The following OR13C2 variants were observed in gnomAD, a reference collection of about 807,000 sequenced individuals.
The protein encoded by OR13C2 is olfactory receptor 13C2.
In OR13C2, 9 loss-of-function variants were observed where a neutral mutation model predicts 12.8. The ratio of observed to expected loss-of-function variants is 0.71; its 90% CI spans 0.43 to 1.23. The LOEUF is 1.23. Among genes scored for constraint, OR13C2 ranks in the 50% most tolerant of loss-of-function variants. OR13C2 has a pLI of 0.00. For synonymous variants in OR13C2, 110 were observed against 138.0 expected, an observed-to-expected ratio of 0.80 and a Z score of 1.42; for missense variants, 333 against 387.0, an observed-to-expected ratio of 0.86 and a Z score of 1.17.
rs755897603 is a variant in OR13C2, at chr9:104,605,191, G to T, written c.437C>A (p.Ala146Asp). Residue 146 changes from alanine (A) to aspartate (D), a missense_variant, in exon 1 of 1, where the codon GCT (alanine) becomes GAT (aspartate). Transcript: ENST00000542196. ...MSKDAYVPMAAGSWIIGAVNS... is the reference protein window; with the variant it reads ...MSKDAYVPMADGSWIIGAVNS... ...GACAGCTCCTATGATCCAGGACCCA[G>T]CTGCCATGGGTACATAGGCATCCTT... 6.2e-7 allele frequency: 1 copy of T among 1,613,344 alleles called. No homozygotes were observed. Among genetic ancestry groups the T allele is most frequent in the Non-Finnish European group, 8.5e-7 (1 of 1,179,966 alleles).
rs774361126 is a variant in OR13C2, at chr9:104,605,310, G to T, written c.318C>A (p.Ala106=). The T allele has an allele frequency of 6.2e-7, 1 of 1,613,678 alleles. No individual in the cohort carries two copies. Among genetic ancestry groups the T allele is most frequent in the Non-Finnish European group, 8.5e-7 (1 of 1,180,018 alleles). The change falls in exon 1 of 1, where the codon GCC becomes GCA. Residue 106 remains alanine (A), a synonymous_variant. Coordinates refer to ENST00000542196, the MANE Select transcript of OR13C2 (RefSeq NM_001004481.1). ...GCAVQMFLGL[A]MGTTECVLLG... is the part of the protein sequence containing the mutation. The stretch of plus-strand genomic sequence containing the variant: ...GAAGCACACACTCTGTTGTCCCCAT[G>T]GCCAAGCCGAGGAACATCTGCACTG...
In OR13C2 at chr9:104,604,695, C is replaced by G. The variant is rs778939556; in HGVS notation, c.933G>C (p.Leu311=). 6.2e-7 allele frequency: 1 copy of G among 1,611,402 alleles called. No homozygotes were observed. Among genetic ancestry groups the G allele is most frequent in the Non-Finnish European group, 8.5e-7 (1 of 1,178,806 alleles). ...KDVKEAVKHL[L]NRRFFSK The stretch of plus-strand genomic sequence containing the variant: ...CTCACTTGCTAAAGAACCTTCTGTT[C>G]AGTAGGTGTTTTACTGCCTCTTTCA... Residue 311 remains leucine (L), a synonymous_variant, in exon 1 of 1, where the codon CTG becomes CTC. Transcript: ENST00000542196.
rs545343541 is a variant in OR13C2, at chr9:104,605,208, G to A, written c.420C>T (p.Ala140=). 1 of 1,613,424 alleles carries A rather than the reference G, an allele frequency of 6.2e-7. No individual in the cohort carries two copies. The highest frequency in any genetic ancestry group is 1.3e-5 in the African/African-American group (1 of 74,446). The change falls in exon 1 of 1, where the codon GCC becomes GCT. Residue 140 remains alanine, a synonymous_variant. Coordinates refer to ENST00000542196, the MANE Select transcript of OR13C2 (RefSeq NM_001004481.1). ...AGGACCCAGCTGCCATGGGTACATAGGCATCCTTACTCATGATGATGGGAT... is the reference window on the plus strand; with the variant it reads ...AGGACCCAGCTGCCATGGGTACATAAGCATCCTTACTCATGATGATGGGAT... ...LRYPIIMSKD[A]YVPMAAGSWI...
At position 104,605,414 on chromosome 9, in the gene OR13C2, A is replaced by G. The variant is rs761500301; in HGVS notation, c.214T>C (p.Cys72Arg). Residue 72 changes from cysteine (C) to arginine (R), a missense_variant, in exon 1 of 1, where the codon TGC becomes CGC. Transcript: ENST00000542196. ...FLGNLSFLDI[C>R]YTTTSIPSTL... ...GAGGGAATAGAGGTGGTGGTGTAGC[A>G]GATGTCCAAGAAGGAGAGGTTCCCC... 1.9e-6 allele frequency: 3 copies of G among 1,612,496 alleles called. No individual in the cohort carries two copies. The Admixed American group carries it at 5.0e-5, about 27-fold the overall frequency.
chr9:104,605,153 G>A lies in OR13C2; in HGVS notation c.475C>T (p.Gln159Ter). The A allele has an allele frequency of 1.9e-6, 3 of 1,612,626 alleles. No homozygotes were observed. In the South Asian group the frequency reaches 3.3e-5, roughly 18 times the overall value. The change falls in exon 1 of 1, where the codon CAA becomes TAA. Residue 159 changes from glutamine to a stop codon, truncating the protein, a stop_gained. Transcript: ENST00000542196. LOFTEE classifies it high-confidence loss of function. ...GGCAATTGTACCACAAACACTGATT[G>A]TACTGCAGAATTGACAGCTCCTATG... ...WIIGAVNSAV[Q>*]SVFVVQLPFC...
In OR13C2 at chr9:104,605,192, C is replaced by A. The variant is rs1225310450; in HGVS notation, c.436G>T (p.Ala146Ser). 6.2e-7 allele frequency: 1 copy of A among 1,613,376 alleles called. No homozygotes were observed. The highest frequency in any genetic ancestry group is 8.5e-7 in the Non-Finnish European group (1 of 1,179,962). ...MSKDAYVPMA[A>S]GSWIIGAVNS... ...ACAGCTCCTATGATCCAGGACCCAG[C>A]TGCCATGGGTACATAGGCATCCTTA... The change falls in exon 1 of 1, where the codon GCT (alanine) becomes TCT (serine). Residue 146 changes from alanine to serine, a missense_variant. Coordinates refer to ENST00000542196, the MANE Select transcript of OR13C2 (RefSeq NM_001004481.1).
At position 104,605,385 on chromosome 9, in the gene OR13C2, CGT is replaced by C. The variant is rs773750856; in HGVS notation, c.241_242del (p.Thr81AlafsTer40). 2 of 1,063,784 alleles carry C rather than the reference CGT, an allele frequency of 1.9e-6. No individual in the cohort carries two copies. The highest frequency in any genetic ancestry group is 1.0e-4 in the African/African-American group (2 of 19,446). 65.9% of individuals were successfully genotyped at this position (1,063,784 alleles called of 1,614,324 possible). Reference sequence around the variant, plus strand: ...TTCTTTCTGAAAGGAAGCTCACTAGCGTGGAGGGAATAGAGGTGGTGGTGTAG... The same window carrying C: ...TTCTTTCTGAAAGGAAGCTCACTAGCGGAGGGAATAGAGGTGGTGGTGTAG... ...ICYTTTSIPS[T>X]LVSFLSERKT... On this transcript the variant is annotated frameshift_variant, in exon 1 of 1. Transcript: ENST00000542196. LOFTEE classifies it high-confidence loss of function.
Position 104,604,890 on chromosome 9 carries a change from A to C in OR13C2, c.738T>G (p.Thr246=), listed in dbSNP as rs776441059. 6 of 1,613,510 alleles carry C rather than the reference A, an allele frequency of 3.7e-6. No homozygotes were observed. Among genetic ancestry groups the C allele is most frequent in the Non-Finnish European group, 5.1e-6 (6 of 1,179,958 alleles). The change falls in exon 1 of 1, where the codon ACT becomes ACG. Residue 246 remains threonine, a synonymous_variant. Coordinates refer to ENST00000542196, the MANE Select transcript of OR13C2 (RefSeq NM_001004481.1). ...TGGTCCCATAGAATATTATGACCAC[A>C]GTCAGATGGGCTGAACAGGTAGAGG... ...KASSTCSAHL[T]VVIIFYGTIL... is the part of the protein sequence containing the mutation.
At position 104,605,322 on chromosome 9, in the gene OR13C2, G is replaced by T; in HGVS notation, c.306C>A (p.Phe102Leu). Residue 102 changes from phenylalanine (F) to leucine (L), a missense_variant, in exon 1 of 1, where the codon TTC becomes TTA. Coordinates refer to ENST00000542196, the MANE Select transcript of OR13C2 (RefSeq NM_001004481.1). ...ISLSGCAVQMFLGLAMGTTEC... is the reference protein window; with the variant it reads ...ISLSGCAVQMLLGLAMGTTEC... ...CTGTTGTCCCCATGGCCAAGCCGAG[G>T]AACATCTGCACTGCACAGCCAGAAA... 6.2e-7 allele frequency: 1 copy of T among 1,613,608 alleles called. No homozygotes were observed. Among genetic ancestry groups the T allele is most frequent in the East Asian group, 2.2e-5 (1 of 44,860 alleles).
chr9:104,604,980 G>C lies in OR13C2; in HGVS notation c.648C>G (p.Val216=), dbSNP rs1347450936. 9.3e-6 allele frequency: 15 copies of C among 1,613,566 alleles called. No homozygotes were observed. The highest frequency in any genetic ancestry group is 1.3e-5 in the African/African-American group (1 of 74,586). The change falls in exon 1 of 1, where the codon GTC becomes GTG. Residue 216 remains valine, a synonymous_variant. Transcript: ENST00000542196. ...TGCTCACAATGATTAACGTGTAAGAGACAATGATTAATAACAAAGGTGTCA... is the reference window on the plus strand; with the variant it reads ...TGCTCACAATGATTAACGTGTAAGACACAATGATTAATAACAAAGGTGTCA... ...FILTPLLLII[V]SYTLIIVSIF... is the part of the protein sequence containing the mutation.
Position 104,604,890 on chromosome 9 carries a change from A to G in OR13C2, c.738T>C (p.Thr246=). ...TGGTCCCATAGAATATTATGACCAC[A>G]GTCAGATGGGCTGAACAGGTAGAGG... The part of the protein sequence containing the change: ...KASSTCSAHL[T]VVIIFYGTIL... Residue 246 remains threonine, a synonymous_variant, in exon 1 of 1, where the codon ACT becomes ACC. Transcript: ENST00000542196. 1 of 1,613,626 alleles carries G rather than the reference A, an allele frequency of 6.2e-7. No homozygotes were observed. The highest frequency in any genetic ancestry group is 8.5e-7 in the Non-Finnish European group (1 of 1,179,950).
chr9:104,604,695 C>A lies in OR13C2; in HGVS notation c.933G>T (p.Leu311=). The A allele has an allele frequency of 6.2e-7, 1 of 1,611,400 alleles. No homozygotes were observed. Among genetic ancestry groups the A allele is most frequent in the East Asian group, 2.2e-5 (1 of 44,836 alleles). The change falls in exon 1 of 1, where the codon CTG becomes CTT. Residue 311 remains leucine, a synonymous_variant. Coordinates refer to ENST00000542196, the MANE Select transcript of OR13C2 (RefSeq NM_001004481.1). The part of the protein sequence containing the change: ...KDVKEAVKHL[L]NRRFFSK The stretch of plus-strand genomic sequence containing the variant: ...CTCACTTGCTAAAGAACCTTCTGTT[C>A]AGTAGGTGTTTTACTGCCTCTTTCA...
In OR13C2 at chr9:104,604,769, T is replaced by A. The variant is rs142576527; in HGVS notation, c.859A>T (p.Met287Leu). The A allele has an allele frequency of 2.2e-5, 35 of 1,613,316 alleles. 1 individual carries two copies. In the African/African-American group the frequency reaches 4.2e-4, roughly 19 times the overall value. ...ATTAAAGGATTCATCATGGGAGTCATCACCCCATAGAACATGGATATAATT... is the reference window on the plus strand; with the variant it reads ...ATTAAAGGATTCATCATGGGAGTCAACACCCCATAGAACATGGATATAATT... ...DKIISMFYGV[M>L]TPMMNPLIYS... The change falls in exon 1 of 1, where the codon ATG (methionine) becomes TTG (leucine). Residue 287 changes from methionine to leucine, a missense_variant. By Grantham distance (15) the Met-to-Leu change is conservative. Coordinates refer to ENST00000542196, the MANE Select transcript of OR13C2 (RefSeq NM_001004481.1).
At position 104,605,282 on chromosome 9, in the gene OR13C2, C is replaced by T. The variant is rs1451567772; in HGVS notation, c.346G>A (p.Gly116Ser). Reference protein sequence around the residue: ...AMGTTECVLLGMMAFDRYVAI... With the variant: ...AMGTTECVLLSMMAFDRYVAI... ...ACATAGCGGTCAAAGGCCATCATGC[C>T]CAGAAGCACACACTCTGTTGTCCCC... The change falls in exon 1 of 1, where the codon GGC becomes AGC. Residue 116 changes from glycine to serine, a missense_variant. Gly to Ser is a moderately conservative substitution (Grantham distance 56, BLOSUM62 0). Coordinates refer to ENST00000542196, the MANE Select transcript of OR13C2 (RefSeq NM_001004481.1). 6.2e-7 allele frequency: 1 copy of T among 1,613,718 alleles called. No homozygotes were observed. The highest frequency in any genetic ancestry group is 1.3e-5 in the African/African-American group (1 of 74,614).
Position 104,605,487 on chromosome 9 carries a change from T to G in OR13C2, c.141A>C (p.Leu47Phe). The G allele has an allele frequency of 6.2e-7, 1 of 1,610,236 alleles. No individual in the cohort carries two copies. The highest frequency in any genetic ancestry group is 1.1e-5 in the South Asian group (1 of 90,964). ...GAAGGTGAGGGTCCAAGATGCTGAT[T>G]AAAATGAGAGTACCATTCCCCAGAA... The part of the protein sequence containing the change: ...VILLGNGTLI[L>F]ISILDPHLHT... The change falls in exon 1 of 1, where the codon TTA (leucine) becomes TTC (phenylalanine). Residue 47 changes from leucine to phenylalanine, a missense_variant. Transcript: ENST00000542196.
In OR13C2 at chr9:104,605,180, T is replaced by A. The variant is rs1346156544; in HGVS notation, c.448A>T (p.Ile150Phe). 5 of 1,613,278 alleles carry A rather than the reference T, an allele frequency of 3.1e-6. No homozygotes were observed. Among genetic ancestry groups the A allele is most frequent in the Non-Finnish European group, 4.2e-6 (5 of 1,179,954 alleles). The change falls in exon 1 of 1, where the codon ATC becomes TTC. Residue 150 changes from isoleucine (I) to phenylalanine (F), a missense_variant. Transcript: ENST00000542196. The part of the protein sequence containing the change: ...AYVPMAAGSW[I>F]IGAVNSAVQS... ...ACTGCAGAATTGACAGCTCCTATGA[T>A]CCAGGACCCAGCTGCCATGGGTACA...
rs779421448 is a variant in OR13C2 at position 104,605,014 on chromosome 9, A to C, written c.614T>G (p.Leu205Trp). The C allele has an allele frequency of 6.2e-7, 1 of 1,613,684 alleles. No homozygotes were observed. Among genetic ancestry groups the C allele is most frequent in the South Asian group, 1.1e-5 (1 of 91,080 alleles). The change falls in exon 1 of 1, where the codon TTG becomes TGG. Residue 205 changes from leucine (L) to tryptophan (W), a missense_variant. Leu to Trp is a moderately conservative substitution (Grantham distance 61). Transcript: ENST00000542196. ...NEFIMLVATT[L>W]FILTPLLLII... ...TAATAACAAAGGTGTCAATATGAACAATGTTGTGGCCACAAGCATGATGAA... is the reference window on the plus strand; with the variant it reads ...TAATAACAAAGGTGTCAATATGAACCATGTTGTGGCCACAAGCATGATGAA...
Position 104,605,022 on chromosome 9 carries a change from G to A in OR13C2, c.606C>T (p.Ala202=). The change falls in exon 1 of 1, where the codon GCC becomes GCT. Residue 202 remains alanine (A), a synonymous_variant. Transcript: ENST00000542196. ...AAGGTGTCAATATGAACAATGTTGT[G>A]GCCACAAGCATGATGAACTCATTGT... ...ISDNEFIMLV[A]TTLFILTPLL... is the part of the protein sequence containing the mutation. The A allele has an allele frequency of 6.2e-7, 1 of 1,613,584 alleles. No individual in the cohort carries two copies. The highest frequency in any genetic ancestry group is 8.5e-7 in the Non-Finnish European group (1 of 1,179,966).
rs148729993 is a variant in OR13C2 at position 104,604,833 on chromosome 9, T to C, written c.795A>G (p.Lys265=). ...ILFMYMKPKS[K]ETLNSDDLDA... ...CCAAGTCATCCGAATTAAGTGTCTC[T>C]TTAGACTTGGGCTTCATGTACATGA... is the stretch of plus-strand genomic sequence containing the variant. The change falls in exon 1 of 1, where the codon AAA becomes AAG. Residue 265 remains lysine (K), a synonymous_variant. Coordinates refer to ENST00000542196, the MANE Select transcript of OR13C2 (RefSeq NM_001004481.1). 15 of 1,613,388 alleles carry C rather than the reference T, an allele frequency of 9.3e-6. No homozygotes were observed. The African/African-American group carries it at 1.9e-4, about 20-fold the overall frequency.
Sources: gnomAD v4.1 joint callset for allele counts on GRCh38, gnomAD v4.1.1 for gene constraint, MANE v1.5 for transcripts, NCBI Gene and HGNC (gene_info 2026-07-23, HGNC 2026-07-21) for gene names.